THSD4: variants seen among roughly 807,000 people sequenced by gnomAD.
THSD4 encodes the protein thrombospondin type-1 domain-containing protein 4.
THSD4 carries 69 observed loss-of-function variants against 119.0 expected under a neutral mutation model. That is an observed-to-expected ratio of 0.58 (90% CI 0.48 to 0.71). The LOEUF is 0.71. Ranked by LOEUF, THSD4 falls within the 30% of genes least tolerant of loss-of-function variation. The pLI, the probability that THSD4 is intolerant of heterozygous loss-of-function variation, is 0.00. For synonymous variants in THSD4, 524 were observed against 540.4 expected (o/e 0.97, Z 0.42); for missense variants, 1,393 against 1,391.1 (o/e 1.00, Z -0.02).
At position 71,738,016 on chromosome 15, in the gene THSD4, G is replaced by T; in HGVS notation, c.1906+9G>T. On this transcript the variant is annotated intron_variant, in intron 11 of 17. Coordinates refer to ENST00000261862, the MANE Select transcript of THSD4 (RefSeq NM_024817.3). The stretch of plus-strand genomic sequence containing the variant: ...CACGACCTGTGGGAAAGGTGAGCCT[G>T]TGTGGGGGACGGGTGGATCCCTGCA... 1.2e-6 allele frequency: 2 copies of T among 1,612,968 alleles called. No individual in the cohort carries two copies. Among genetic ancestry groups the T allele is most frequent in the Non-Finnish European group, 1.7e-6 (2 of 1,179,280 alleles).
intron 7 of THSD4, among the ~76,000 whole-genome samples, chr15:71,483,467 G>A (rs2047765014): frequency 6.6e-6 from 1 of 152,144 alleles, no homozygotes; most frequent in Non-Finnish European, 1.5e-5. Context: ...TTGATCAAGT[G>A]GAGTGAGAGG....
intron 6 of THSD4, among the ~76,000 whole-genome samples, chr15:71,288,650 A>G (rs1008251705): frequency 6.6e-6 from 1 of 152,236 alleles, no homozygotes; most frequent in Non-Finnish European, 1.5e-5. Context: ...GGCAGAGAAC[A>G]ATCAACACAG....
In THSD4 at chr15:71,164,943, T is replaced by G; in HGVS notation, c.99+10011T>G. The G allele has an allele frequency of 3.1e-6, 5 of 1,589,960 alleles. No homozygotes were observed. In the Admixed American group the frequency reaches 8.8e-5, roughly 28 times the overall value. ...TTTCCTTTAGCTCGATATGCAGCAA[T>G]ATCCTTTTCGTATTTTTCCTTCAGC... On this transcript the variant is annotated intron_variant, in intron 3 of 17. Transcript: ENST00000261862.
intron 7 of THSD4, among the ~76,000 whole-genome samples, chr15:71,595,962 C>T (rs1048886550): frequency 2.6e-5 from 4 of 152,174 alleles, no homozygotes; most frequent in Admixed American, 6.5e-5. Context: ...CGCTGGTGAC[C>T]GTTTCAGCAT....
At chr15:71,622,667 A>C (rs1448116132) in intron 7 of THSD4, among the ~76,000 whole-genome samples, 1 of 152,218 alleles carries the variant, frequency 6.6e-6, no homozygotes, top group African/African-American at 2.4e-5. Flanking sequence ...TGTGAAAAGC[A>C]GCTAAGGACC....
intron 3 of THSD4, among the ~76,000 whole-genome samples, chr15:71,190,085 G>T (rs752415133): frequency 6.6e-6 from 1 of 152,152 alleles, no homozygotes. Flanking sequence ...CCCCTTCCTC[G>T]AAACCTGGGG....
At chr15:71,732,213 T>G (rs1397449978) in intron 10 of THSD4, 1 of 152,244 alleles carries the variant, frequency 6.6e-6, no homozygotes, top group African/African-American at 2.4e-5. Context: ...ATTCCAGGGA[T>G]TAGGATGTGG....
intron 3 of THSD4, among the ~76,000 whole-genome samples, chr15:71,180,434 G>T (rs2043506516): frequency 1.3e-5 from 2 of 152,312 alleles, no homozygotes; most frequent in East Asian, 1.9e-4. Flanking sequence ...GGGAAGAAAT[G>T]AAGGTTACCA....
chr15:71,587,386 A>C (rs540678189), intron 7 of THSD4, among the ~76,000 whole-genome samples: 4 of 119,220 alleles, frequency 3.4e-5, no homozygotes, highest in African/African-American at 1.1e-4. Flanking sequence ...ATGTCCAACA[A>C]TGATAGACTG....
intron 8 of THSD4, among the ~76,000 whole-genome samples, chr15:71,706,786 C>T (rs1045991681): frequency 4.6e-5 from 7 of 152,148 alleles, no homozygotes; most frequent in Non-Finnish European, 8.8e-5. Context: ...CTCGCATGAC[C>T]TTTGCAGGTG....
chr15:71,234,408 AATT>A (rs2044086402), intron 4 of THSD4, among the ~76,000 whole-genome samples: 1 of 152,228 alleles, frequency 6.6e-6, no homozygotes, highest in South Asian at 2.1e-4. Context: ...CGGTTCAAGC[AATT>A]CTTGTGCCTC....
At chr15:71,197,487 A>G (rs557297270) in intron 3 of THSD4, among the ~76,000 whole-genome samples, 1 of 152,310 alleles carries the variant, frequency 6.6e-6, no homozygotes, top group East Asian at 1.9e-4. Flanking sequence ...AGATGTTCCA[A>G]CAGTGCTCCC....
intron 5 of THSD4, among the ~76,000 whole-genome samples, chr15:71,246,149 G>A (rs779205707): frequency 6.6e-6 from 1 of 152,208 alleles, no homozygotes; most frequent in South Asian, 2.1e-4. Context: ...AGGACCATCT[G>A]TAAAGTGGGC....
chr15:71,295,932 G>T (rs1051184346), intron 6 of THSD4, among the ~76,000 whole-genome samples: 1 of 152,102 alleles, frequency 6.6e-6, no homozygotes, highest in Non-Finnish European at 1.5e-5. Context: ...CTTGCATCTG[G>T]CTTCTGTTAC....
chr15:71,212,709 A>T (rs562339154), intron 3 of THSD4, among the ~76,000 whole-genome samples: 1 of 152,366 alleles, frequency 6.6e-6, no homozygotes, highest in African/African-American at 2.4e-5. Flanking sequence ...TTTAGACCAG[A>T]AGTCGGGAGA....
Position 71,301,376 on chromosome 15 carries a change from C to T in THSD4, c.1015+44661C>T, listed in dbSNP as rs138231724. On this transcript the variant is annotated intron_variant, in intron 6 of 17. Transcript: ENST00000261862. ...CACATGATTTTTCCGTGATTTTTCA[C>T]GGCTCCAAGTATCTCATTTATATTT... Among the ~76,000 whole-genome samples, 283 of 152,260 alleles carry T rather than the reference C, an allele frequency of 1.9e-3. 6 individuals carry two copies. In the East Asian group the frequency reaches 0.043, roughly 23 times the overall value.
In THSD4 at chr15:71,490,660, C is replaced by T. The variant is rs897352008; in HGVS notation, c.1152+78837C>T. 5.3e-5 allele frequency among the ~76,000 whole-genome samples: 8 copies of T among 151,206 alleles called. No homozygotes were observed. In the East Asian group the frequency reaches 1.4e-3, roughly 26 times the overall value. On this transcript the variant is annotated intron_variant, in intron 7 of 17. Coordinates refer to ENST00000261862, the MANE Select transcript of THSD4 (RefSeq NM_024817.3). ...GACAGAATTGCTTGAACCCAGGAGG[C>T]GGATGTTGCAGTGAGCCAAGGTCGC... is the stretch of plus-strand genomic sequence containing the variant.
At chr15:71,465,333 C>T (rs1389338467) in intron 7 of THSD4, among the ~76,000 whole-genome samples, 1 of 152,198 alleles carries the variant, frequency 6.6e-6, no homozygotes, top group East Asian at 1.9e-4. Context: ...CCTACTGCAT[C>T]TTGGCTGTGA....
At chr15:71,394,419 A>G (rs528468504) in intron 6 of THSD4, among the ~76,000 whole-genome samples, 4 of 151,862 alleles carry the variant, frequency 2.6e-5, no homozygotes, top group Non-Finnish European at 5.9e-5. Context: ...ACTACAGGCA[A>G]GTGCCACCAC....
Sources: allele counts gnomAD v4.1 joint callset (sites outside exome capture counted in the v4.1 genomes callset), GRCh38; gene constraint gnomAD v4.1.1; transcripts MANE v1.5; gene names NCBI Gene and HGNC (gene_info 2026-07-23, HGNC 2026-07-21).